The following TAFA2 variants were observed in gnomAD, a reference collection of about 807,000 sequenced individuals.
TAFA2 encodes the protein TAFA chemokine like family member 2, also known as chemokine-like protein TAFA-2.
A neutral mutation model predicts 18.8 loss-of-function variants in TAFA2; 7 were observed. That is an observed-to-expected ratio of 0.37 (90% CI 0.21 to 0.70). TAFA2 has a LOEUF of 0.70. Among genes scored for constraint, TAFA2 ranks in the 30% least tolerant of loss-of-function variants. The pLI, the probability that TAFA2 is intolerant of heterozygous loss-of-function variation, is 0.53. For missense variants in TAFA2, 122 were observed against 158.1 expected (o/e 0.77, Z 1.23); for synonymous variants, 60 against 54.2 (o/e 1.11, Z -0.47).
intron 1 of TAFA2, among the ~76,000 whole-genome samples, chr12:61,956,833 CT>C (rs1878713051): frequency 6.6e-6 from 1 of 152,094 alleles, no homozygotes; most frequent in Admixed American, 6.6e-5. Context: ...GTGTCAACGT[CT>C]GATGAACACT....
intron 1 of TAFA2, among the ~76,000 whole-genome samples, chr12:62,045,586 T>G (rs1373474491): frequency 6.6e-6 from 1 of 152,190 alleles, no homozygotes; most frequent in Non-Finnish European, 1.5e-5. Context: ...ATTAAAGATG[T>G]TATGCTTTCA....
intron 1 of TAFA2, among the ~76,000 whole-genome samples, chr12:61,928,087 C>T (rs887573586): frequency 7.9e-5 from 12 of 152,130 alleles, no homozygotes; most frequent in Non-Finnish European, 1.3e-4. Flanking sequence ...ATACCATTCA[C>T]GACATAGGCA....
intron 4 of TAFA2, among the ~76,000 whole-genome samples, chr12:61,715,565 G>C (rs1869617240): frequency 6.6e-6 from 1 of 151,652 alleles, no homozygotes; most frequent in Non-Finnish European, 1.5e-5. Context: ...TGTTAGCCAG[G>C]ATGGTCTCAA....
intron 1 of TAFA2, among the ~76,000 whole-genome samples, chr12:62,153,847 A>G (rs904681121): frequency 6.6e-6 from 1 of 152,162 alleles, no homozygotes; most frequent in African/African-American, 2.4e-5. Context: ...CTATATATTT[A>G]GAGATGGAAG....
chr12:62,069,341 A>G (rs76808607), intron 1 of TAFA2, among the ~76,000 whole-genome samples: 1 of 152,158 alleles, frequency 6.6e-6, no homozygotes, highest in Non-Finnish European at 1.5e-5. Context: ...TGCTCTTACT[A>G]TGAGTCCAAG....
chr12:61,878,656 T>C (rs1266840996), intron 1 of TAFA2, among the ~76,000 whole-genome samples: 1 of 152,196 alleles, frequency 6.6e-6, no homozygotes, highest in African/African-American at 2.4e-5. Flanking sequence ...TTGAGCTTGG[T>C]TGCTCTGCAT....
At chr12:62,223,920 G>A (rs1347413179) in intron 1 of TAFA2, among the ~76,000 whole-genome samples, 1 of 152,100 alleles carries the variant, frequency 6.6e-6, no homozygotes, top group African/African-American at 2.4e-5. Context: ...ATATGATCCA[G>A]CAATTCTATT....
rs1869266229 is a variant in TAFA2, at chr12:61,708,959, G to A, written c.*1447C>T. On this transcript the variant is annotated 3_prime_UTR_variant, in exon 5 of 5. Coordinates refer to ENST00000416284, the MANE Select transcript of TAFA2 (RefSeq NM_178539.5). ...TACCTTCTTCCATACCACCTTCCAT[G>A]ATGGAAATTCTAACAGGACAATTTT... is the stretch of plus-strand genomic sequence containing the variant. The A allele has an allele frequency of 6.6e-6, 1 of 152,374 alleles. No homozygotes were observed. Among genetic ancestry groups the A allele is most frequent in the African/African-American group, 2.4e-5 (1 of 41,406 alleles). The allele number at this position is 152,374 out of a possible 1,614,324, so 9.4% of individuals were successfully genotyped here.
At chr12:62,151,559 A>G (rs1301132173) in intron 1 of TAFA2, among the ~76,000 whole-genome samples, 2 of 152,230 alleles carry the variant, frequency 1.3e-5, no homozygotes, top group South Asian at 4.1e-4. Context: ...AAGACTTGAT[A>G]CTTTATGACG....
intron 2 of TAFA2, among the ~76,000 whole-genome samples, chr12:61,768,704 G>A (rs1051400446): frequency 2.6e-5 from 4 of 152,112 alleles, no homozygotes; most frequent in East Asian, 1.9e-4. Context: ...AGGCATTCCT[G>A]ATTTTGTCTC....
At chr12:62,181,932 T>C (rs80042731) in intron 1 of TAFA2, among the ~76,000 whole-genome samples, 3,357 of 152,198 alleles carry the variant, frequency 0.022, 128 homozygotes, top group African/African-American at 0.075. Context: ...GAGATATTCA[T>C]TTTAAAATTG....
At chr12:61,977,054 G>A (rs1489073457) in intron 1 of TAFA2, among the ~76,000 whole-genome samples, 1 of 151,996 alleles carries the variant, frequency 6.6e-6, no homozygotes, top group Non-Finnish European at 1.5e-5. Context: ...TGGGATGGCT[G>A]GGTCAAAAGT....
At chr12:62,193,817 C>T (rs2062637497), upstream of TAFA2, among the ~76,000 whole-genome samples, 1 of 152,170 alleles carries the variant, frequency 6.6e-6, no homozygotes, top group Admixed American at 6.5e-5. Context: ...ATTAAACACC[C>T]TTCCATTCAC....
Position 61,991,273 on chromosome 12 carries a change from G to A in TAFA2, c.-1-123847C>T, listed in dbSNP as rs147142760. The stretch of plus-strand genomic sequence containing the variant: ...AACACATATAAAGTAAGTGTTATAC[G>A]GTGCATTGTAAGTCTACCTAAAGAT... On this transcript the variant is annotated intron_variant, in intron 1 of 4. Coordinates refer to ENST00000416284, the MANE Select transcript of TAFA2 (RefSeq NM_178539.5). Among the ~76,000 whole-genome samples, 262 of 152,208 alleles carry A rather than the reference G, an allele frequency of 1.7e-3. 1 individual carries two copies. Among genetic ancestry groups the A allele is most frequent in the African/African-American group, 5.2e-3 (217 of 41,512 alleles).
At chr12:61,836,781 A>G (rs966011689) in intron 2 of TAFA2, among the ~76,000 whole-genome samples, 42 of 148,492 alleles carry the variant, frequency 2.8e-4, no homozygotes, top group African/African-American at 1.0e-3. Flanking sequence ...AAATACATAT[A>G]TATCATTGTT....
intron 1 of TAFA2, among the ~76,000 whole-genome samples, chr12:62,110,829 C>A (rs1357501458): frequency 1.3e-5 from 2 of 151,720 alleles, no homozygotes; most frequent in Non-Finnish European, 2.9e-5. Context: ...GTGGGATCAG[C>A]AGTGATATCC....
intron 1 of TAFA2, among the ~76,000 whole-genome samples, chr12:61,941,592 G>C (rs2121422313): frequency 6.6e-6 from 1 of 152,322 alleles, no homozygotes; most frequent in South Asian, 2.1e-4. Context: ...GCCAGTGGGT[G>C]CGTGCACCGT....
At chr12:61,735,403 GAC>G in intron 4 of TAFA2, among the ~76,000 whole-genome samples, 1 of 151,960 alleles carries the variant, frequency 6.6e-6, no homozygotes, top group East Asian at 1.9e-4. Flanking sequence ...ATTCATAATT[GAC>G]ACATAATAAT....
chr12:61,904,882 G>T (rs1190634476), intron 1 of TAFA2, among the ~76,000 whole-genome samples: 1 of 152,100 alleles, frequency 6.6e-6, no homozygotes, highest in Non-Finnish European at 1.5e-5. Flanking sequence ...ATGTTTCATT[G>T]TCCTCAAGTC....
Sources: allele counts gnomAD v4.1 joint callset (sites outside exome capture counted in the v4.1 genomes callset), GRCh38; gene constraint gnomAD v4.1.1; transcripts MANE v1.5; gene names NCBI Gene and HGNC (gene_info 2026-07-23, HGNC 2026-07-21).